Variants in SPATA17 observed in about 807,000 individuals in gnomAD.
SPATA17 encodes the protein spermatogenesis-associated protein 17.
A neutral mutation model predicts 62.2 loss-of-function variants in SPATA17; 53 were observed. That is an observed-to-expected ratio of 0.85 (90% CI 0.68 to 1.07). SPATA17 has a LOEUF of 1.07. Among genes scored for constraint, SPATA17 ranks in the 50% least tolerant of loss-of-function variants. SPATA17 has a pLI of 0.00. For missense variants in SPATA17, 466 were observed against 425.5 expected (o/e 1.10, Z -0.84); for synonymous variants, 146 against 146.8 (o/e 0.99, Z 0.04).
chr1:217,798,316 G>A (rs1050878822), intron 8 of SPATA17, among the ~76,000 whole-genome samples: 6 of 151,960 alleles, frequency 3.9e-5, no homozygotes, highest in Non-Finnish European at 1.5e-5. Context: ...TTGCTATTCT[G>A]TTATCTCATT....
chr1:217,716,878 C>T (rs969009753), intron 5 of SPATA17, among the ~76,000 whole-genome samples: 1 of 152,158 alleles, frequency 6.6e-6, no homozygotes, highest in South Asian at 2.1e-4. Context: ...TATGTTATCT[C>T]GTCTATCCAC....
chr1:217,786,474 C>A (rs918762320), intron 8 of SPATA17, among the ~76,000 whole-genome samples: 3 of 151,936 alleles, frequency 2.0e-5, no homozygotes, highest in Non-Finnish European at 2.9e-5. Flanking sequence ...ATGACAAGAC[C>A]AATTTGACAG....
chr1:217,763,134 G>A (rs1380853190), intron 6 of SPATA17, among the ~76,000 whole-genome samples: 1 of 152,180 alleles, frequency 6.6e-6, no homozygotes, highest in Non-Finnish European at 1.5e-5. Flanking sequence ...ATATGTAGAG[G>A]CCAAGAAAAT....
chr1:217,785,300 C>T (rs1673833526), intron 8 of SPATA17, among the ~76,000 whole-genome samples: 1 of 152,094 alleles, frequency 6.6e-6, no homozygotes, highest in Non-Finnish European at 1.5e-5. Context: ...GAAGAGCTAC[C>T]TGAGACTGGG....
chr1:217,828,538 C>A (rs1464284137), intron 9 of SPATA17, among the ~76,000 whole-genome samples: 10 of 46,358 alleles, frequency 2.2e-4, no homozygotes, highest in Non-Finnish European at 4.1e-4. Flanking sequence ...GAATATCACA[C>A]CAAAAAAAAA....
chr1:217,721,103 T>A (rs1427190252), intron 5 of SPATA17, among the ~76,000 whole-genome samples: 1 of 152,250 alleles, frequency 6.6e-6, no homozygotes, highest in Admixed American at 6.5e-5. Context: ...CAACTTTTTA[T>A]TCCTTTAACT....
intron 5 of SPATA17, among the ~76,000 whole-genome samples, chr1:217,720,498 A>T (rs1375963084): frequency 6.6e-6 from 1 of 152,128 alleles, no homozygotes; most frequent in Non-Finnish European, 1.5e-5. Flanking sequence ...TGCAACAGTC[A>T]TCTTACCAGT....
intron 8 of SPATA17, among the ~76,000 whole-genome samples, chr1:217,792,542 C>T (rs1187217862): frequency 6.6e-6 from 1 of 152,142 alleles, no homozygotes; most frequent in Non-Finnish European, 1.5e-5. Flanking sequence ...TTAGTTACCA[C>T]CCAGGCCTAA....
chr1:217,735,599 G>T (rs1035965058), intron 5 of SPATA17, among the ~76,000 whole-genome samples: 4 of 152,158 alleles, frequency 2.6e-5, no homozygotes, highest in African/African-American at 9.7e-5. Flanking sequence ...ATAATGTGTT[G>T]CAGAAGGTAA....
At chr1:217,748,791 T>C (rs544557368) in intron 6 of SPATA17, among the ~76,000 whole-genome samples, 1 of 152,086 alleles carries the variant, frequency 6.6e-6, no homozygotes, top group Non-Finnish European at 1.5e-5. Context: ...CACTTATTAC[T>C]TTCGACTCTA....
chr1:217,652,598 T>A (rs147988242), intron 3 of SPATA17, among the ~76,000 whole-genome samples: 1 of 152,278 alleles, frequency 6.6e-6, no homozygotes, highest in Non-Finnish European at 1.5e-5. Flanking sequence ...AAAAAGTAAC[T>A]CTTTGAATTA....
At chr1:217,764,581 T>A (rs548326031) in intron 6 of SPATA17, among the ~76,000 whole-genome samples, 74 of 152,296 alleles carry the variant, frequency 4.9e-4, no homozygotes, top group African/African-American at 1.6e-3. Context: ...ATTGGGTAAA[T>A]ATATAAGAAC....
chr1:217,764,253 CCT>C, intron 6 of SPATA17, among the ~76,000 whole-genome samples: 1 of 152,262 alleles, frequency 6.6e-6, no homozygotes, highest in East Asian at 1.9e-4. Context: ...TCCCTCCCTC[CCT>C]ACAACCTCCG....
intron 9 of SPATA17, among the ~76,000 whole-genome samples, chr1:217,818,531 G>C (rs1481520604): frequency 6.6e-6 from 1 of 151,968 alleles, no homozygotes; most frequent in East Asian, 1.9e-4. Context: ...AATGATAAGT[G>C]TGTATATAAA....
At chr1:217,649,211 G>T (rs970372670) in intron 2 of SPATA17, among the ~76,000 whole-genome samples, 2 of 152,072 alleles carry the variant, frequency 1.3e-5, no homozygotes, top group Non-Finnish European at 2.9e-5. Context: ...GGGCGCAGTG[G>T]CTCACTCCTG....
intron 5 of SPATA17, among the ~76,000 whole-genome samples, chr1:217,725,180 G>T (rs1672233263): frequency 2.0e-5 from 3 of 152,090 alleles, no homozygotes; most frequent in Non-Finnish European, 4.4e-5. Flanking sequence ...TGACCAACAA[G>T]TTATTCCAAA....
intron 5 of SPATA17, chr1:217,737,820 T>A (rs1320881741): frequency 1.4e-5 from 2 of 141,890 alleles, no homozygotes; most frequent in East Asian, 4.0e-4. Context: ...GCAGATATGC[T>A]TGTTGTCTTT....
chr1:217,798,197 A>G (rs893559999), intron 8 of SPATA17, among the ~76,000 whole-genome samples: 1 of 152,210 alleles, frequency 6.6e-6, no homozygotes, highest in African/African-American at 2.4e-5. Flanking sequence ...AGTGCATGCT[A>G]AAGAAATAAT....
At chr1:217,764,043 A>G (rs75426621) in intron 6 of SPATA17, among the ~76,000 whole-genome samples, 2,824 of 152,266 alleles carry the variant, frequency 0.019, 103 homozygotes, top group African/African-American at 0.064. Context: ...CCAACATCCA[A>G]TAAATGGTGC....
Sources: allele counts gnomAD v4.1 joint callset (sites outside exome capture counted in the v4.1 genomes callset), GRCh38; gene constraint gnomAD v4.1.1; transcripts MANE v1.5; gene names NCBI Gene and HGNC (gene_info 2026-07-23, HGNC 2026-07-21).